Variants in ATRNL1 observed in about 807,000 individuals in gnomAD.
ATRNL1 encodes attractin like 1.
A neutral mutation model predicts 182.7 loss-of-function variants in ATRNL1; 95 were observed. The ratio of observed to expected loss-of-function variants is 0.52; its 90% confidence interval spans 0.44 to 0.62. The LOEUF (loss-of-function observed/expected upper bound fraction) is 0.62. ATRNL1 is among the 20% of genes least tolerant of loss of function. The probability of loss-of-function intolerance (pLI) is 0.00; values close to 1 mark genes in which losing one functional copy is unlikely to be tolerated. For missense variants in ATRNL1, 1,471 were observed against 1,679.5 expected (o/e 0.88, Z 2.17); for synonymous variants, 576 against 568.3 (o/e 1.01, Z -0.19).
At chr10:115,648,204 A>G (rs1196611705) in intron 26 of ATRNL1, among the ~76,000 whole-genome samples, 1 of 152,182 alleles carries the variant, frequency 6.6e-6, no homozygotes, top group African/African-American at 2.4e-5. Flanking sequence ...CCCGTTCACA[A>G]TTGCTTCAAA....
chr10:115,475,698 T>C (rs1348847275), intron 24 of ATRNL1, among the ~76,000 whole-genome samples: 2 of 151,380 alleles, frequency 1.3e-5, no homozygotes, highest in African/African-American at 2.4e-5. Context: ...AAACCTTACC[T>C]ATTGCATTGT....
At chr10:115,901,519 T>C (rs1305775194) in intron 28 of ATRNL1, among the ~76,000 whole-genome samples, 2 of 152,020 alleles carry the variant, frequency 1.3e-5, no homozygotes, top group Non-Finnish European at 2.9e-5. Context: ...AGGCAGTGGG[T>C]TTTTTGTTTT....
intron 28 of ATRNL1, among the ~76,000 whole-genome samples, chr10:115,918,954 C>T (rs1435799584): frequency 6.6e-6 from 1 of 152,108 alleles, no homozygotes; most frequent in Non-Finnish European, 1.5e-5. Context: ...ACTAGCAAAC[C>T]TAAGAACTTG....
At chr10:115,491,046 G>A (rs1054773601) in intron 24 of ATRNL1, among the ~76,000 whole-genome samples, 1 of 152,072 alleles carries the variant, frequency 6.6e-6, no homozygotes, top group African/African-American at 2.4e-5. Context: ...TTTTTGCCTG[G>A]TTATCACCAG....
At chr10:115,468,850 C>T (rs550417716) in intron 23 of ATRNL1, among the ~76,000 whole-genome samples, 2 of 150,748 alleles carry the variant, frequency 1.3e-5, no homozygotes, top group African/African-American at 4.8e-5. Context: ...ATGCTTTAAT[C>T]TTTCTGAGGC....
intron 26 of ATRNL1, among the ~76,000 whole-genome samples, chr10:115,682,366 C>A (rs1201702097): frequency 1.3e-5 from 2 of 152,070 alleles, no homozygotes; most frequent in African/African-American, 4.8e-5. Flanking sequence ...TGGTGAACCC[C>A]ATCTCTACTA....
chr10:115,505,431 G>A (rs1850061792), intron 24 of ATRNL1, among the ~76,000 whole-genome samples: 1 of 152,034 alleles, frequency 6.6e-6, no homozygotes, highest in Non-Finnish European at 1.5e-5. Context: ...TACAAAATAC[G>A]AAAGCAAGCA....
chr10:115,608,858 A>C (rs1857003626), intron 26 of ATRNL1, among the ~76,000 whole-genome samples: 1 of 151,996 alleles, frequency 6.6e-6, no homozygotes. Context: ...CTCAATAGTT[A>C]TAAATCCTAG....
intron 27 of ATRNL1, among the ~76,000 whole-genome samples, chr10:115,778,218 A>T (rs761117962): frequency 3.9e-5 from 6 of 152,192 alleles, no homozygotes; most frequent in Non-Finnish European, 7.3e-5. Context: ...ACTATGAATG[A>T]AATTTGGCCC....
rs182667982 is a variant in ATRNL1, at chr10:115,731,230, G to T, written c.3903+3875G>T. On this transcript the variant is annotated intron_variant, in intron 27 of 28. Coordinates refer to ENST00000355044, the MANE Select transcript of ATRNL1 (RefSeq NM_207303.4). The stretch of plus-strand genomic sequence containing the variant: ...CCAGCCTTAGGCTGGCACTTGACTG[G>T]TTCTGCTGCTTTCCTGCCCCACAGC... 2.8e-3 allele frequency among the ~76,000 whole-genome samples: 423 copies of T among 152,254 alleles called. 6 individuals carry two copies. The highest frequency in any genetic ancestry group is 9.7e-3 in the African/African-American group (404 of 41,556).
intron 19 of ATRNL1, among the ~76,000 whole-genome samples, chr10:115,385,257 G>C (rs1858269741): frequency 6.6e-6 from 1 of 152,050 alleles, no homozygotes; most frequent in South Asian, 2.1e-4. Flanking sequence ...GTATGTGTTT[G>C]ATGGTATGTC....
chr10:115,581,163 T>G (rs530538465), intron 26 of ATRNL1, among the ~76,000 whole-genome samples: 2 of 152,290 alleles, frequency 1.3e-5, no homozygotes, highest in South Asian at 2.1e-4. Flanking sequence ...ATCAGACTAG[T>G]GTCTTTTAAG....
intron 5 of ATRNL1, among the ~76,000 whole-genome samples, chr10:115,135,523 A>G (rs1428674100): frequency 6.6e-6 from 1 of 152,240 alleles, no homozygotes; most frequent in Admixed American, 6.5e-5. Context: ...CCACTGCTCA[A>G]CGAAATAAAA....
intron 26 of ATRNL1, among the ~76,000 whole-genome samples, chr10:115,617,245 C>A (rs1004094832): frequency 6.6e-6 from 1 of 152,356 alleles, no homozygotes. Flanking sequence ...TGGTTTCAGA[C>A]TTGCATGGGG....
intron 24 of ATRNL1, among the ~76,000 whole-genome samples, chr10:115,493,653 A>T: frequency 6.6e-6 from 1 of 152,168 alleles, no homozygotes; most frequent in East Asian, 1.9e-4. Context: ...GCTGGGTTGA[A>T]TGGTAGTTCT....
At position 115,871,751 on chromosome 10, in the gene ATRNL1, C is replaced by T. The variant is rs978243263; in HGVS notation, c.4018+23760C>T. 1.3e-4 allele frequency among the ~76,000 whole-genome samples: 19 copies of T among 151,908 alleles called. No homozygotes were observed. The East Asian group carries it at 3.7e-3, about 29-fold the overall frequency. On this transcript the variant is annotated intron_variant, in intron 28 of 28. Coordinates refer to ENST00000355044, the MANE Select transcript of ATRNL1 (RefSeq NM_207303.4). ...AAATTTGTATGAAAATAAACTGAGT[C>T]AACTAAATAATAATAAACACAGCTA... is the stretch of plus-strand genomic sequence containing the variant.
chr10:115,514,072 T>C (rs1352532919), intron 24 of ATRNL1, among the ~76,000 whole-genome samples: 1 of 152,016 alleles, frequency 6.6e-6, no homozygotes, highest in East Asian at 1.9e-4. Flanking sequence ...ATACTCATTA[T>C]TGTAAAAGGT....
At chr10:115,882,992 A>G (rs1951861276) in intron 28 of ATRNL1, among the ~76,000 whole-genome samples, 1 of 152,160 alleles carries the variant, frequency 6.6e-6, no homozygotes, top group Non-Finnish European at 1.5e-5. Context: ...TAAAGCCTTT[A>G]CAGATGCCTC....
intron 26 of ATRNL1, among the ~76,000 whole-genome samples, chr10:115,669,938 A>T (rs1555040886): frequency 6.6e-6 from 1 of 152,114 alleles, no homozygotes; most frequent in African/African-American, 2.4e-5. Context: ...CTCCAATTTC[A>T]TAACTTGTCA....
Sources: gnomAD v4.1 joint callset for allele counts (sites outside exome capture counted in the v4.1 genomes callset) on GRCh38, gnomAD v4.1.1 for gene constraint, MANE v1.5 for transcripts, NCBI Gene and HGNC (gene_info 2026-07-23, HGNC 2026-07-21) for gene names.